PDIA5: variants seen among roughly 807,000 people sequenced by gnomAD.
PDIA5 encodes protein disulfide isomerase family A member 5.
Under a neutral mutation model 77.6 loss-of-function variants are expected in PDIA5, and 58 were observed. The observed-to-expected ratio is 0.75, with a 90% CI of 0.61 to 0.93. The LOEUF is 0.93. Ranked by LOEUF, PDIA5 falls within the 40% of genes least tolerant of loss-of-function variation. The pLI, the probability that PDIA5 is intolerant of heterozygous loss-of-function variation, is 0.00. For missense variants in PDIA5, 630 were observed against 647.7 expected, an observed-to-expected ratio of 0.97 and a Z score of 0.30; for synonymous variants, 250 against 252.1, an observed-to-expected ratio of 0.99 and a Z score of 0.08.
intron 1 of PDIA5, among the ~76,000 whole-genome samples, chr3:123,078,695 G>A (rs1171509070): frequency 6.6e-6 from 1 of 152,166 alleles, no homozygotes; most frequent in Non-Finnish European, 1.5e-5. Context: ...TTTGATTCAG[G>A]ACCCAAACCA....
chr3:123,149,696 C>T (rs1288319521), intron 13 of PDIA5, among the ~76,000 whole-genome samples: 1 of 152,142 alleles, frequency 6.6e-6, no homozygotes, highest in East Asian at 1.9e-4. Flanking sequence ...TCATAAAGAT[C>T]CCATTGTCCT....
chr3:123,105,670 G>A (rs1021580331), intron 5 of PDIA5, among the ~76,000 whole-genome samples: 4 of 152,072 alleles, frequency 2.6e-5, no homozygotes, highest in Non-Finnish European at 4.4e-5. Context: ...GTGACCAGTG[G>A]ATGGGCTGAA....
intron 3 of PDIA5, among the ~76,000 whole-genome samples, chr3:123,096,675 G>T (rs931011323): frequency 6.6e-6 from 1 of 152,154 alleles, no homozygotes; most frequent in Admixed American, 6.6e-5. Flanking sequence ...TTGCTCTGGG[G>T]TGTCTGTAGG....
intron 14 of PDIA5, among the ~76,000 whole-genome samples, chr3:123,151,680 A>G (rs1395627813): frequency 6.6e-6 from 1 of 152,092 alleles, no homozygotes; most frequent in Non-Finnish European, 1.5e-5. Context: ...TCCCCAGGGA[A>G]TCTGGGAGAG....
intron 5 of PDIA5, among the ~76,000 whole-genome samples, chr3:123,103,042 C>T (rs2107933677): frequency 6.6e-6 from 1 of 152,368 alleles, no homozygotes; most frequent in Admixed American, 6.5e-5. Flanking sequence ...TCCAGTAAGG[C>T]AGGTGATGTC....
chr3:123,145,403 G>C, intron 11 of PDIA5, 119 bp from the exon 12 acceptor site: 2 of 701,896 alleles, frequency 2.8e-6, no homozygotes, highest in Non-Finnish European at 5.0e-6. Context: ...AGCTGGTGCT[G>C]CTGCTGCTTT....
intron 11 of PDIA5, among the ~76,000 whole-genome samples, chr3:123,143,289 G>T (rs976313049): frequency 1.3e-5 from 2 of 151,622 alleles, no homozygotes; most frequent in Admixed American, 1.3e-4. Context: ...GGAGGCTGAG[G>T]CAGGGGAATC....
chr3:123,134,933 T>C, intron 11 of PDIA5, among the ~76,000 whole-genome samples: 1 of 152,136 alleles, frequency 6.6e-6, no homozygotes. Context: ...CCTCTCTTGC[T>C]AGCACTTGGC....
In PDIA5 at chr3:123,145,550, G is replaced by A. The variant is rs150501199; in HGVS notation, c.939G>A (p.Pro313=). The A allele has an allele frequency of 2.1e-4, 339 of 1,613,990 alleles. 1 individual carries two copies. The highest frequency in any genetic ancestry group is 2.7e-4 in the Non-Finnish European group (318 of 1,179,872). ...GTGGCCACTGTAAGAAAATGAAGCC[G>A]GAGTTTGAGAAGGCAGCAGAAGCCC... ...PWCGHCKKMK[P]EFEKAAEALH... is the part of the protein sequence containing the mutation. The change falls in exon 12 of 17, where the codon CCG becomes CCA. Residue 313 remains proline (P), a synonymous_variant. Coordinates refer to ENST00000316218, the MANE Select transcript of PDIA5 (RefSeq NM_006810.4).
chr3:123,076,996 G>A (rs1933873720), intron 1 of PDIA5, among the ~76,000 whole-genome samples: 1 of 152,208 alleles, frequency 6.6e-6, no homozygotes, highest in South Asian at 2.1e-4. Context: ...AATAAAAAGG[G>A]GAGACACTGT....
At chr3:123,095,621 T>C (rs1442332146) in intron 3 of PDIA5, among the ~76,000 whole-genome samples, 2 of 151,950 alleles carry the variant, frequency 1.3e-5, no homozygotes, top group Non-Finnish European at 2.9e-5. Context: ...TGGTGGTGCA[T>C]ACCTGTAATC....
intron 1 of PDIA5, among the ~76,000 whole-genome samples, chr3:123,070,537 G>C (rs1324024379): frequency 1.3e-5 from 2 of 152,242 alleles, no homozygotes; most frequent in African/African-American, 2.4e-5. Flanking sequence ...ACGTGGGACA[G>C]GTTAGTTCCA....
At chr3:123,160,606 T>C (rs1326857500) in intron 15 of PDIA5, among the ~76,000 whole-genome samples, 1 of 152,178 alleles carries the variant, frequency 6.6e-6, no homozygotes, top group African/African-American at 2.4e-5. Context: ...TGTCCCTTTA[T>C]CCAACCCCTG....
Position 123,150,339 on chromosome 3 carries a change from C to T in PDIA5, c.1248C>T (p.His416=), listed in dbSNP as rs1389841271. The change falls in exon 14 of 17, where the codon CAC becomes CAT. Residue 416 remains histidine, a synonymous_variant. Transcript: ENST00000316218. The stretch of plus-strand genomic sequence containing the variant: ...GGGAGACCCTGAAGAAGAAGAAACA[C>T]ACCTTGGTCATGTTCTACGCCCCTT... The part of the protein sequence containing the change: ...NFRETLKKKK[H]TLVMFYAPWC... The T allele has an allele frequency of 6.2e-7, 1 of 1,613,956 alleles. No individual in the cohort carries two copies. Among genetic ancestry groups the T allele is most frequent in the Non-Finnish European group, 8.5e-7 (1 of 1,179,910 alleles).
At chr3:123,157,040 A>C (rs1032822159) in intron 15 of PDIA5, among the ~76,000 whole-genome samples, 2 of 151,974 alleles carry the variant, frequency 1.3e-5, no homozygotes, top group Non-Finnish European at 2.9e-5. Flanking sequence ...CCTTTGCTTG[A>C]TTGTCTTGGG....
chr3:123,145,655 T>C (rs1935752272), intron 12 of PDIA5, 63 bp downstream of exon 12: 3 of 1,413,762 alleles, frequency 2.1e-6, no homozygotes, highest in East Asian at 2.3e-5. Flanking sequence ...GGTGGAATCA[T>C]TATGACTTTC....
chr3:123,103,697 T>G (rs1934659642), intron 5 of PDIA5, among the ~76,000 whole-genome samples: 1 of 152,178 alleles, frequency 6.6e-6, no homozygotes, highest in South Asian at 2.1e-4. Flanking sequence ...CATTCTTTTT[T>G]TAAATTGCTA....
intron 4 of PDIA5, 42 bp downstream of exon 4, chr3:123,102,536 A>G (rs770895949): frequency 7.0e-7 from 1 of 1,437,316 alleles, no homozygotes; most frequent in East Asian, 2.3e-5. Flanking sequence ...GTAAGTGCCA[A>G]ATGCTTTCAT....
At position 123,093,656 on chromosome 3, in the gene PDIA5, G is replaced by T. The variant is rs142034354; in HGVS notation, c.257+1214G>T. On this transcript the variant is annotated intron_variant, in intron 3 of 16. Coordinates refer to ENST00000316218, the MANE Select transcript of PDIA5 (RefSeq NM_006810.4). ...TATGTGCTTTGAGAATACGCAGATG[G>T]ATAACTGCATCCTCAAGGAGCTCAG... 5.7e-4 allele frequency among the ~76,000 whole-genome samples: 87 copies of T among 152,314 alleles called. 1 individual carries two copies. The highest frequency in any genetic ancestry group is 1.1e-3 in the Non-Finnish European group (72 of 68,026).
Sources: allele counts gnomAD v4.1 joint callset (sites outside exome capture counted in the v4.1 genomes callset), GRCh38; gene constraint gnomAD v4.1.1; transcripts MANE v1.5; gene names NCBI Gene and HGNC (gene_info 2026-07-23, HGNC 2026-07-21).